Variants in SLCO3A1 observed in about 807,000 individuals in gnomAD.
The protein encoded by SLCO3A1 is solute carrier organic anion transporter family member 3A1.
SLCO3A1 carries 27 observed loss-of-function variants against 63.1 expected under a neutral mutation model. That is an observed-to-expected ratio of 0.43 (90% CI 0.32 to 0.59). The LOEUF is 0.59. Among genes scored for constraint, SLCO3A1 ranks in the 20% least tolerant of loss-of-function variants. SLCO3A1 has a pLI of 0.09. For synonymous variants in SLCO3A1, 473 were observed against 409.9 expected (o/e 1.15, Z -1.86); for missense variants, 773 against 945.8 (o/e 0.82, Z 2.40).
chr15:92,050,574 CTG>C (rs1427945188), intron 2 of SLCO3A1, among the ~76,000 whole-genome samples: 1 of 152,182 alleles, frequency 6.6e-6, no homozygotes, highest in African/African-American at 2.4e-5. Flanking sequence ...GCTCTCAGCT[CTG>C]TCTCCAAATT....
At chr15:91,874,649 C>G (rs981715122) in intron 1 of SLCO3A1, among the ~76,000 whole-genome samples, 2 of 152,204 alleles carry the variant, frequency 1.3e-5, no homozygotes, top group African/African-American at 4.8e-5. Flanking sequence ...TGTCGATGGA[C>G]ACTTCCGTTG....
intron 7 of SLCO3A1, 51 bp from the exon 8 acceptor site, chr15:92,146,933 T>C: frequency 6.5e-7 from 1 of 1,533,482 alleles, no homozygotes; most frequent in Non-Finnish European, 8.8e-7. Context: ...GGCTTTGCCT[T>C]TGGAAACCGG....
In SLCO3A1 at chr15:91,948,924, TG is replaced by T. The variant is rs1179514741; in HGVS notation, c.646+32468del. ...GTCATCCATTTAGGAATCAATACTT[TG>T]GTTTTTTTTTTTTTACTATTATTTC... On this transcript the variant is annotated intron_variant, in intron 2 of 9. Transcript: ENST00000318445. This position sits in a 1 kb window ranked among gnomAD's most constrained non-coding sequence, Gnocchi z 4.8. Among the ~76,000 whole-genome samples, 2 of 150,470 alleles carry T rather than the reference TG, an allele frequency of 1.3e-5. No individual in the cohort carries two copies. The highest frequency in any genetic ancestry group is 3.0e-5 in the Non-Finnish European group (2 of 67,580).
intron 2 of SLCO3A1, among the ~76,000 whole-genome samples, chr15:91,997,176 C>G (rs1226395431): frequency 6.6e-6 from 1 of 152,130 alleles, no homozygotes; most frequent in Non-Finnish European, 1.5e-5. Context: ...AATCAATGTA[C>G]AAAAATCAGT....
At chr15:91,934,751 G>A (rs991066453) in intron 2 of SLCO3A1, among the ~76,000 whole-genome samples, 1 of 152,106 alleles carries the variant, frequency 6.6e-6, no homozygotes, top group African/African-American at 2.4e-5. Context: ...ATAATAGATG[G>A]TTTCTTTTTC....
chr15:91,972,498 A>C (rs538933836), intron 2 of SLCO3A1, among the ~76,000 whole-genome samples: 25 of 152,142 alleles, frequency 1.6e-4, no homozygotes, highest in African/African-American at 6.0e-4. Context: ...ACAGACACCA[A>C]ATCTTCTGGT....
At chr15:92,034,489 G>A (rs1041323812) in intron 2 of SLCO3A1, among the ~76,000 whole-genome samples, 4 of 151,624 alleles carry the variant, frequency 2.6e-5, no homozygotes, top group Non-Finnish European at 5.9e-5. Context: ...TGCGAGGCTG[G>A]GCGAGATGGT....
At chr15:91,945,120 C>T (rs1165142337) in intron 2 of SLCO3A1, among the ~76,000 whole-genome samples, 2 of 151,870 alleles carry the variant, frequency 1.3e-5, no homozygotes, top group Non-Finnish European at 1.5e-5. Context: ...CCGAGGCAGG[C>T]GATCACGAGG....
chr15:92,102,615 C>G (rs1055914890), intron 3 of SLCO3A1, among the ~76,000 whole-genome samples: 5 of 152,328 alleles, frequency 3.3e-5, no homozygotes, highest in South Asian at 4.1e-4. Flanking sequence ...TGTCCCCTCT[C>G]CAGCATGTAG....
chr15:91,870,266 T>A (rs1014503965), intron 1 of SLCO3A1, among the ~76,000 whole-genome samples: 1 of 152,194 alleles, frequency 6.6e-6, no homozygotes, highest in Admixed American at 6.5e-5. Flanking sequence ...GATATACTTA[T>A]AAAATGTATG....
chr15:92,141,857 C>T lies in SLCO3A1; in HGVS notation c.1513-5127C>T, dbSNP rs575232186. Among the ~76,000 whole-genome samples, 20 of 152,324 alleles carry T rather than the reference C, an allele frequency of 1.3e-4. No homozygotes were observed. The South Asian group carries it at 4.1e-3, about 32-fold the overall frequency. On this transcript the variant is annotated intron_variant, in intron 7 of 9. Coordinates refer to ENST00000318445, the MANE Select transcript of SLCO3A1 (RefSeq NM_013272.4). ...ATGTCACACAAGCCCAGTAAAGGAGCTTCCTACCCCTTGCCATCTGACCAC... is the reference window on the plus strand; with the variant it reads ...ATGTCACACAAGCCCAGTAAAGGAGTTTCCTACCCCTTGCCATCTGACCAC...
At chr15:92,005,404 A>T (rs750361725) in intron 2 of SLCO3A1, among the ~76,000 whole-genome samples, 2 of 152,214 alleles carry the variant, frequency 1.3e-5, no homozygotes, top group African/African-American at 4.8e-5. Flanking sequence ...TTGATGGTCT[A>T]TCTGTCACTG....
rs749087736 is a variant in SLCO3A1, at chr15:92,126,152, G to A, written c.1266G>A (p.Arg422=). 6.2e-7 allele frequency: 1 copy of A among 1,613,852 alleles called. No individual in the cohort carries two copies. The highest frequency in any genetic ancestry group is 1.7e-5 in the Admixed American group (1 of 60,014). Residue 422 remains arginine (R), a synonymous_variant, in exon 6 of 10, where the codon CGG becomes CGA. Transcript: ENST00000318445. ...GCCTGTCTGCCCTGGGGGCCATTCGGATGGCCATGCTCGTCAACCTGGTGT... is the reference window on the plus strand; with the variant it reads ...GCCTGTCTGCCCTGGGGGCCATTCGAATGGCCATGCTCGTCAACCTGGTGT... ...KLSLSALGAI[R]MAMLVNLVST... is the part of the protein sequence containing the mutation.
At chr15:92,028,690 C>A (rs2046606402) in intron 2 of SLCO3A1, among the ~76,000 whole-genome samples, 2 of 152,094 alleles carry the variant, frequency 1.3e-5, no homozygotes, top group African/African-American at 4.8e-5. Context: ...GTTTAAAAAG[C>A]AAAGTAGATT....
intron 5 of SLCO3A1, among the ~76,000 whole-genome samples, chr15:92,121,998 C>T (rs1443972158): frequency 2.0e-5 from 3 of 152,064 alleles, no homozygotes; most frequent in African/African-American, 7.2e-5. Context: ...ACAGTGAGCA[C>T]GGGACTTAGC....
chr15:91,893,094 G>C (rs985997909), intron 1 of SLCO3A1, among the ~76,000 whole-genome samples: 5 of 152,344 alleles, frequency 3.3e-5, no homozygotes, highest in Admixed American at 3.3e-4. Context: ...TCTGCATTAT[G>C]GGAAGATGCC....
chr15:91,886,997 C>T lies in SLCO3A1; in HGVS notation c.181-28996C>T, dbSNP rs377162038. Among the ~76,000 whole-genome samples the T allele has an allele frequency of 2.1e-3, 318 of 152,228 alleles. 1 individual carries two copies. The highest frequency in any genetic ancestry group is 0.02 in the South Asian group (94 of 4,818). ...CTCCCCTCTTTGTTTCTGCCTGTGT[C>T]TGTATATTGGCCAAGCCCATTTCCA... On this transcript the variant is annotated intron_variant, in intron 1 of 9. Coordinates refer to ENST00000318445, the MANE Select transcript of SLCO3A1 (RefSeq NM_013272.4). This position sits in a 1 kb window ranked among gnomAD's most constrained non-coding sequence, Gnocchi z 4.9.
intron 1 of SLCO3A1, among the ~76,000 whole-genome samples, chr15:91,904,389 G>A (rs1388386109): frequency 6.6e-6 from 1 of 152,070 alleles, no homozygotes; most frequent in East Asian, 1.9e-4. Flanking sequence ...AATTAAACTG[G>A]GCGTCAGGTG....
intron 2 of SLCO3A1, among the ~76,000 whole-genome samples, chr15:92,088,719 T>A (rs1191066358): frequency 6.6e-6 from 1 of 152,190 alleles, no homozygotes; most frequent in Non-Finnish European, 1.5e-5. Flanking sequence ...AAAGCCAGCA[T>A]GACTAGTCAG....
Sources: allele counts gnomAD v4.1 joint callset (sites outside exome capture counted in the v4.1 genomes callset), GRCh38; gene constraint gnomAD v4.1.1; non-coding constraint Gnocchi (gnomAD v3.1); transcripts MANE v1.5; gene names NCBI Gene and HGNC (gene_info 2026-07-23, HGNC 2026-07-21).